The following FHIT variants were observed in gnomAD, a reference collection of about 807,000 sequenced individuals.
FHIT encodes the protein fragile histidine triad diadenosine triphosphatase, also known as bis(5'-adenosyl)-triphosphatase.
FHIT carries 19 observed loss-of-function variants against 17.9 expected under a neutral mutation model. That is an observed-to-expected ratio of 1.06 (90% CI 0.74 to 1.56). The LOEUF (loss-of-function observed/expected upper bound fraction) is 1.56, where lower values mean the gene tolerates loss of function less well. Ranked by LOEUF, FHIT falls within the 40% of genes most tolerant of loss-of-function variation. FHIT has a pLI of 0.00. For synonymous variants in FHIT, 81 were observed against 69.7 expected (o/e 1.16, Z -0.81); for missense variants, 248 against 189.2 (o/e 1.31, Z -1.82).
At chr3:60,779,369 A>T (rs1377340078) in intron 4 of FHIT, among the ~76,000 whole-genome samples, 1 of 152,190 alleles carries the variant, frequency 6.6e-6, no homozygotes, top group African/African-American at 2.4e-5. Context: ...CTCAGAAAGA[A>T]CAGGAGGGAT....
intron 1 of FHIT, among the ~76,000 whole-genome samples, chr3:61,203,554 C>T (rs1174178934): frequency 6.6e-6 from 1 of 151,902 alleles, no homozygotes; most frequent in Non-Finnish European, 1.5e-5. Flanking sequence ...AAACAAGAAG[C>T]AATAGTAAAC....
chr3:60,661,287 G>A (rs1475677231), intron 4 of FHIT, among the ~76,000 whole-genome samples: 11 of 152,086 alleles, frequency 7.2e-5, no homozygotes, highest in African/African-American at 2.2e-4. Context: ...CCACTTATGA[G>A]TGAGAACATA....
intron 5 of FHIT, among the ~76,000 whole-genome samples, chr3:60,179,025 C>G (rs1200160769): frequency 6.6e-6 from 1 of 152,036 alleles, no homozygotes; most frequent in African/African-American, 2.4e-5. Context: ...CACTATAAGA[C>G]TCTTAACATA....
At chr3:60,893,740 T>C (rs7648601) in intron 3 of FHIT, among the ~76,000 whole-genome samples, 4,791 of 152,258 alleles carry the variant, frequency 0.031, 245 homozygotes, top group African/African-American at 0.11. Context: ...GGGCTGACCC[T>C]TTCATGTTTA....
chr3:61,122,902 G>A (rs142360949), intron 2 of FHIT, among the ~76,000 whole-genome samples: 16,388 of 152,214 alleles, frequency 0.11, 896 homozygotes, highest in South Asian at 0.2. Context: ...TACACTGTTC[G>A]TGGGAGTGTA....
At chr3:59,793,604 G>C (rs1200155050) in intron 8 of FHIT, among the ~76,000 whole-genome samples, 1 of 152,088 alleles carries the variant, frequency 6.6e-6, no homozygotes, top group Non-Finnish European at 1.5e-5. Flanking sequence ...GTCCTTGCGA[G>C]AATTCAATGA....
chr3:60,604,173 G>T (rs2038533953), intron 4 of FHIT, among the ~76,000 whole-genome samples: 1 of 152,274 alleles, frequency 6.6e-6, no homozygotes, highest in Admixed American at 6.5e-5. Context: ...TACAGTGAGA[G>T]AAAGTGCACA....
chr3:60,228,389 A>G (rs767707202), intron 5 of FHIT, among the ~76,000 whole-genome samples: 5 of 152,328 alleles, frequency 3.3e-5, no homozygotes, highest in Admixed American at 6.5e-5. Context: ...ATTAATAGAC[A>G]GGAGTAGTTA....
intron 5 of FHIT, among the ~76,000 whole-genome samples, chr3:60,459,305 C>G (rs764158886): frequency 3.9e-5 from 6 of 152,138 alleles, no homozygotes; most frequent in Non-Finnish European, 8.8e-5. Context: ...CCAGAAATCA[C>G]TGGTATATGC....
At chr3:60,283,558 G>A (rs1707569566) in intron 5 of FHIT, among the ~76,000 whole-genome samples, 2 of 151,942 alleles carry the variant, frequency 1.3e-5, no homozygotes, top group Admixed American at 6.6e-5. Flanking sequence ...TACAAAAAAA[G>A]AATTGATCCA....
intron 2 of FHIT, among the ~76,000 whole-genome samples, chr3:61,107,908 T>C (rs1230261665): frequency 6.6e-6 from 1 of 152,206 alleles, no homozygotes; most frequent in East Asian, 1.9e-4. Flanking sequence ...CTACATTTGA[T>C]TGGCCAAAAG....
chr3:61,047,506 T>C (rs184354039), intron 2 of FHIT, among the ~76,000 whole-genome samples: 113 of 152,276 alleles, frequency 7.4e-4, no homozygotes, highest in Middle Eastern at 3.4e-3. Flanking sequence ...GGAAGAACAT[T>C]CTATGCTCAT....
intron 2 of FHIT, among the ~76,000 whole-genome samples, chr3:61,102,404 C>A (rs534251896): frequency 1.3e-5 from 2 of 152,066 alleles, no homozygotes. Flanking sequence ...AGGGTGAAGC[C>A]GACTTGATCA....
At chr3:61,093,670 G>C (rs2035552425) in intron 2 of FHIT, among the ~76,000 whole-genome samples, 2 of 152,200 alleles carry the variant, frequency 1.3e-5, no homozygotes, top group African/African-American at 4.8e-5. Context: ...TATTGAGGAA[G>C]TGCTCTGAGC....
chr3:60,222,135 T>C (rs2107535220), intron 5 of FHIT, among the ~76,000 whole-genome samples: 1 of 152,250 alleles, frequency 6.6e-6, no homozygotes, highest in East Asian at 1.9e-4. Context: ...GGAGCTCAAC[T>C]TGGGAATGTA....
intron 5 of FHIT, among the ~76,000 whole-genome samples, chr3:60,454,411 G>A (rs1331773719): frequency 2.0e-5 from 3 of 149,376 alleles, no homozygotes; most frequent in Admixed American, 6.7e-5. Context: ...TTGAGACAGA[G>A]CCTCACTCTG....
At chr3:60,498,612 G>C (rs17765996) in intron 5 of FHIT, among the ~76,000 whole-genome samples, 1,959 of 152,248 alleles carry the variant, frequency 0.013, 22 homozygotes, top group South Asian at 0.028. Flanking sequence ...ATATCATGGT[G>C]TGTAGCTTCA....
intron 8 of FHIT, among the ~76,000 whole-genome samples, chr3:59,830,167 T>C (rs1429617511): frequency 2.0e-5 from 3 of 152,190 alleles, no homozygotes; most frequent in Non-Finnish European, 4.4e-5. Flanking sequence ...AAGAATAGCT[T>C]AGTTTACTGT....
chr3:60,016,805 GA>G (rs1700361934), intron 5 of FHIT, among the ~76,000 whole-genome samples: 2 of 152,110 alleles, frequency 1.3e-5, no homozygotes, highest in African/African-American at 4.8e-5. Flanking sequence ...AAATGGTCCA[GA>G]AACTTAAGGT....
Sources: allele counts gnomAD v4.1 joint callset (sites outside exome capture counted in the v4.1 genomes callset), GRCh38; gene constraint gnomAD v4.1.1; transcripts MANE v1.5; gene names NCBI Gene and HGNC (gene_info 2026-07-23, HGNC 2026-07-21).